The following AP2B1 variants were observed in gnomAD, a reference collection of about 807,000 sequenced individuals.
The protein encoded by AP2B1 is adaptor related protein complex 2 subunit beta 1.
Under a neutral mutation model 102.0 loss-of-function variants are expected in AP2B1, and 23 were observed. That is an observed-to-expected ratio of 0.23 (90% CI 0.16 to 0.32). AP2B1 has a LOEUF of 0.32. Ranked by LOEUF, AP2B1 falls within the 10% of genes least tolerant of loss-of-function variation. The pLI, the probability that AP2B1 is intolerant of heterozygous loss-of-function variation, is 1.00. For synonymous variants in AP2B1, 381 were observed against 421.2 expected (o/e 0.90, Z 1.17); for missense variants, 541 against 1,157.4 (o/e 0.47, Z 7.73).
At chr17:35,625,687 T>C (rs2074295777) in intron 6 of AP2B1, among the ~76,000 whole-genome samples, 1 of 151,684 alleles carries the variant, frequency 6.6e-6, no homozygotes, top group Non-Finnish European at 1.5e-5. Context: ...TAGTGTAATA[T>C]GTAATATGTG....
chr17:35,685,141 A>G (rs1423258812), intron 18 of AP2B1, among the ~76,000 whole-genome samples: 1 of 152,218 alleles, frequency 6.6e-6, no homozygotes, highest in African/African-American at 2.4e-5. Flanking sequence ...AGTTTCCCAC[A>G]TGGATTCTCT....
intron 5 of AP2B1, among the ~76,000 whole-genome samples, chr17:35,614,657 A>T (rs2142466655): frequency 6.7e-6 from 1 of 149,160 alleles, no homozygotes; most frequent in African/African-American, 2.5e-5. Context: ...TGAATTAGTA[A>T]AAAAAAAAAA....
chr17:35,678,148 A>G (rs2075742177), intron 17 of AP2B1, among the ~76,000 whole-genome samples: 1 of 152,170 alleles, frequency 6.6e-6, no homozygotes, highest in Non-Finnish European at 1.5e-5. Context: ...GGTGTGAGTC[A>G]CTGGGCCCAG....
intron 17 of AP2B1, 152 bp downstream of exon 17, chr17:35,674,473 C>T (rs769978817): frequency 7.5e-5 from 69 of 925,546 alleles, no homozygotes; most frequent in Admixed American, 1.5e-4. Context: ...GAGGCCGAGA[C>T]GGGCTGATTA....
intron 18 of AP2B1, among the ~76,000 whole-genome samples, chr17:35,683,242 C>T (rs1294743161): frequency 2.0e-5 from 3 of 152,196 alleles, no homozygotes; most frequent in East Asian, 1.9e-4. Context: ...GTCATGGAAT[C>T]GGATTTGAAA....
intron 11 of AP2B1, 70 bp downstream of exon 11, chr17:35,639,830 G>T (rs2074715766): frequency 1.5e-6 from 2 of 1,363,768 alleles, no homozygotes; most frequent in Admixed American, 2.1e-5. Flanking sequence ...GAAAGCAAAG[G>T]TTATAGGCAG....
intron 18 of AP2B1, among the ~76,000 whole-genome samples, chr17:35,693,845 G>T (rs2076087628): frequency 6.6e-6 from 1 of 152,158 alleles, no homozygotes; most frequent in South Asian, 2.1e-4. Flanking sequence ...ACTACCCAGA[G>T]ACAGCATCTG....
At chr17:35,613,000 A>C (rs534785646) in intron 5 of AP2B1, among the ~76,000 whole-genome samples, 1 of 148,106 alleles carries the variant, frequency 6.8e-6, no homozygotes. Flanking sequence ...TCAAAAAAGA[A>C]AAAAAAAATG....
At chr17:35,685,254 G>GAGC (rs2075907147) in intron 18 of AP2B1, among the ~76,000 whole-genome samples, 3 of 152,196 alleles carry the variant, frequency 2.0e-5, no homozygotes. Context: ...TTCCCCCTGT[G>GAGC]AGCAGCTCTA....
At chr17:35,672,227 A>G (rs1446925422) in intron 16 of AP2B1, among the ~76,000 whole-genome samples, 1 of 152,208 alleles carries the variant, frequency 6.6e-6, no homozygotes, top group African/African-American at 2.4e-5. Flanking sequence ...AGCAGGAGAA[A>G]AAAATGCAGA....
intron 5 of AP2B1, among the ~76,000 whole-genome samples, chr17:35,616,142 C>CTTTTTTTTTT (rs71152739): frequency 5.2e-5 from 3 of 57,436 alleles, no homozygotes; most frequent in Admixed American, 3.0e-4. Flanking sequence ...AAAAATATCT[C>CTTTTTTTTTT]TTTTTTTTTT....
intron 18 of AP2B1, among the ~76,000 whole-genome samples, chr17:35,705,383 T>A (rs2076320778): frequency 6.6e-6 from 1 of 152,192 alleles, no homozygotes; most frequent in South Asian, 2.1e-4. Context: ...TTTTAAAAAG[T>A]CTCTTCTAAT....
intron 17 of AP2B1, among the ~76,000 whole-genome samples, chr17:35,681,501 G>A (rs587730162): frequency 6.6e-6 from 1 of 152,308 alleles, no homozygotes; most frequent in East Asian, 1.9e-4. Flanking sequence ...CTGGGATCAA[G>A]CAAGTGATTC....
At chr17:35,651,777 G>A (rs550960438) in intron 13 of AP2B1, among the ~76,000 whole-genome samples, 1 of 152,192 alleles carries the variant, frequency 6.6e-6, no homozygotes, top group African/African-American at 2.4e-5. Flanking sequence ...GAATCTTTGG[G>A]TTTACAGCAG....
At chr17:35,590,081 C>T (rs773947750) in intron 1 of AP2B1, among the ~76,000 whole-genome samples, 4 of 151,992 alleles carry the variant, frequency 2.6e-5, no homozygotes, top group African/African-American at 7.3e-5. Flanking sequence ...GCCCGCCACA[C>T]GCCTGGCTAA....
intron 5 of AP2B1, among the ~76,000 whole-genome samples, chr17:35,623,488 C>T (rs1217219212): frequency 6.6e-6 from 1 of 152,144 alleles, no homozygotes; most frequent in Non-Finnish European, 1.5e-5. Context: ...CCCTTGAACC[C>T]AGTAGATGAA....
intron 18 of AP2B1, among the ~76,000 whole-genome samples, chr17:35,708,754 C>T (rs782352275): frequency 2.0e-5 from 3 of 152,136 alleles, no homozygotes; most frequent in Non-Finnish European, 2.9e-5. Flanking sequence ...CTGTTTGAAT[C>T]GTAATTCTTC....
chr17:35,675,339 A>C (rs1390293761), intron 17 of AP2B1, among the ~76,000 whole-genome samples: 1 of 152,266 alleles, frequency 6.6e-6, no homozygotes, highest in African/African-American at 2.4e-5. Flanking sequence ...AAAATTTGTC[A>C]ATGACAATTT....
intron 5 of AP2B1, among the ~76,000 whole-genome samples, chr17:35,611,764 GA>G (rs756520696): frequency 6.6e-6 from 1 of 152,018 alleles, no homozygotes; most frequent in Non-Finnish European, 1.5e-5. Context: ...ATCATCACTA[GA>G]TTCACTAGTC....
Sources: allele counts gnomAD v4.1 joint callset (sites outside exome capture counted in the v4.1 genomes callset), GRCh38; gene constraint gnomAD v4.1.1; transcripts MANE v1.5; gene names NCBI Gene and HGNC (gene_info 2026-07-23, HGNC 2026-07-21).